Variants in NEB observed in about 807,000 individuals in gnomAD.
NEB encodes nemaline myopathy type 2.
Under a neutral mutation model 952.2 loss-of-function variants are expected in NEB, and 512 were observed. The ratio of observed to expected loss-of-function variants is 0.54; its 90% CI spans 0.50 to 0.58. NEB has a LOEUF of 0.58. Ranked by LOEUF, NEB falls within the 20% of genes least tolerant of loss-of-function variation. NEB has a pLI of 0.00. For missense variants in NEB, 8,428 were observed against 9,231.1 expected, an observed-to-expected ratio of 0.91 and a Z score of 3.56; for synonymous variants, 2,900 against 3,149.8, an observed-to-expected ratio of 0.92 and a Z score of 2.66.
chr2:151,672,689 G>A lies in NEB; in HGVS notation c.3988-9C>T, dbSNP rs753291655. 1 of 1,604,004 alleles carries A rather than the reference G, an allele frequency of 6.2e-7. No homozygotes were observed. The highest frequency in any genetic ancestry group is 8.5e-7 in the Non-Finnish European group (1 of 1,173,528). ...GCTTCCTTGTATTTATACTGTGGAGGCAGAATTGGGTTAGCAAAGTCCTAG... is the reference window on the plus strand; with the variant it reads ...GCTTCCTTGTATTTATACTGTGGAGACAGAATTGGGTTAGCAAAGTCCTAG... On this transcript the variant is annotated splice_polypyrimidine_tract_variant and intron_variant, in intron 36 of 181. Transcript: ENST00000397345.
intron 161 of NEB, among the ~76,000 whole-genome samples, chr2:151,511,238 A>G (rs1037828628): frequency 5.3e-5 from 8 of 152,230 alleles, no homozygotes; most frequent in Non-Finnish European, 1.0e-4. Flanking sequence ...TGGAGCCCAT[A>G]TCATTTTGGT....
chr2:151,506,269 A>G lies in NEB; in HGVS notation c.23557-11T>C, dbSNP rs1026058576. The stretch of plus-strand genomic sequence containing the variant: ...CTCTTTATATAAAACCTGGGCATTC[A>G]GAATCAGGACAGTGTTAACACAGAA... On this transcript the variant is annotated splice_polypyrimidine_tract_variant and intron_variant, in intron 163 of 181. Coordinates refer to ENST00000397345, the MANE Select transcript of NEB (RefSeq NM_001164508.2). 5.7e-6 allele frequency: 9 copies of G among 1,592,670 alleles called. No individual in the cohort carries two copies. Among genetic ancestry groups the G allele is most frequent in the Non-Finnish European group, 7.8e-6 (9 of 1,160,672 alleles).
At chr2:151,721,569 T>C (rs1431083284) in intron 9 of NEB, among the ~76,000 whole-genome samples, 1 of 152,228 alleles carries the variant, frequency 6.6e-6, no homozygotes, top group Non-Finnish European at 1.5e-5. Flanking sequence ...TAGCAAGTAT[T>C]AGACTGTTGG....
At chr2:151,498,506 T>TAA (rs979671197) in intron 169 of NEB, among the ~76,000 whole-genome samples, 154 bp from the exon 170 acceptor site, 2 of 152,148 alleles carry the variant, frequency 1.3e-5, no homozygotes, top group African/African-American at 4.8e-5. Context: ...TGTTTGAGCC[T>TAA]AAAGACATCT....
At chr2:151,614,052 G>A (rs2098115429) in intron 77 of NEB, among the ~76,000 whole-genome samples, 1 of 152,122 alleles carries the variant, frequency 6.6e-6, no homozygotes, top group South Asian at 2.1e-4. Context: ...TTTACTTAAT[G>A]TGTTAATGAA....
In NEB at chr2:151,662,889, G is replaced by A. The variant is rs534152855; in HGVS notation, c.5764-548C>T. 1.5e-3 allele frequency among the ~76,000 whole-genome samples: 223 copies of A among 152,280 alleles called. 1 individual carries two copies. The highest frequency in any genetic ancestry group is 5.2e-3 in the African/African-American group (217 of 41,564). On this transcript the variant is annotated intron_variant, in intron 45 of 181. Transcript: ENST00000397345. ...TTCTCTCTACACCTGTGCCATGGCT[G>A]CTTTCATTCAGGCACTTACTACCTC... is the stretch of plus-strand genomic sequence containing the variant.
At chr2:151,636,553 G>A (rs1277058744) in intron 63 of NEB, among the ~76,000 whole-genome samples, 1 of 152,160 alleles carries the variant, frequency 6.6e-6, no homozygotes, top group Non-Finnish European at 1.5e-5. Flanking sequence ...GCAGAGGCGG[G>A]TGGATCACCT....
chr2:151,694,681 G>A (rs1329893713), intron 18 of NEB, 52 bp from the exon 19 acceptor site: 27 of 1,358,338 alleles, frequency 2.0e-5, no homozygotes, highest in East Asian at 2.5e-5. Flanking sequence ...TGCATGTCAC[G>A]ACCTTTAAAG....
At chr2:151,644,632 A>G (rs1466603379) in intron 55 of NEB, 57 bp from the exon 56 acceptor site, 2 of 1,371,102 alleles carry the variant, frequency 1.5e-6, no homozygotes, top group African/African-American at 1.4e-5. Flanking sequence ...CAAATATAGC[A>G]TAATGATCAA....
At chr2:151,648,969 C>A (rs1054538785) in intron 54 of NEB, among the ~76,000 whole-genome samples, 12 of 152,158 alleles carry the variant, frequency 7.9e-5, no homozygotes, top group Non-Finnish European at 2.9e-5. Context: ...TTTCAGCATT[C>A]CCCAAACTAG....
At chr2:151,684,023 A>T (rs576784287) in intron 28 of NEB, among the ~76,000 whole-genome samples, 1 of 152,310 alleles carries the variant, frequency 6.6e-6, no homozygotes, top group African/African-American at 2.4e-5. Context: ...AGTCAAACTT[A>T]GAAACAAAGC....
intron 171 of NEB, 147 bp from the exon 172 acceptor site, chr2:151,497,180 C>G: frequency 7.9e-7 from 1 of 1,266,276 alleles, no homozygotes; most frequent in Non-Finnish European, 1.1e-6. Flanking sequence ...ATGCCACCGA[C>G]TACTTTACTT....
At position 151,612,261 on chromosome 2, in the gene NEB, G is replaced by C. The variant is rs760724498; in HGVS notation, c.11730C>G (p.Asp3910Glu). The C allele has an allele frequency of 2.4e-5, 38 of 1,613,842 alleles. No homozygotes were observed. Among genetic ancestry groups the C allele is most frequent in the Non-Finnish European group, 3.1e-5 (36 of 1,179,828 alleles). Residue 3910 changes from aspartate (D) to glutamate (E), a missense_variant, in exon 78 of 182, where the codon GAC becomes GAG. By Grantham distance (45) the Asp-to-Glu change is conservative (BLOSUM62 2). This residue lies in a region of NEB where 337 missense variants were observed against 297.5 expected (regional missense o/e 1.13). Coordinates refer to ENST00000397345, the MANE Select transcript of NEB (RefSeq NM_001164508.2). ...LSDRKYRQPA[D>E]QLKFTCITDT... ...CGGTAATGCATGTGAATTTGAGCTG[G>C]TCTGCAGGCTGGCGATACTTCCTGT...
chr2:151,698,796 C>A (rs1376570667), intron 13 of NEB, among the ~76,000 whole-genome samples: 4 of 151,840 alleles, frequency 2.6e-5, no homozygotes, highest in Admixed American at 2.6e-4. Flanking sequence ...TGCCACCATG[C>A]CCGGCTAATT....
intron 181 of NEB, among the ~76,000 whole-genome samples, chr2:151,487,075 G>A (rs190314267): frequency 6.6e-6 from 1 of 152,202 alleles, no homozygotes; most frequent in South Asian, 2.1e-4. Context: ...GCGTGTGTGT[G>A]TACTGACAGA....
At chr2:151,487,673 C>T (rs1179744755) in intron 181 of NEB, among the ~76,000 whole-genome samples, 1 of 152,116 alleles carries the variant, frequency 6.6e-6, no homozygotes, top group East Asian at 1.9e-4. Context: ...TACCGTTTAT[C>T]TTTGGGCAAA....
chr2:151,687,475 T>C lies in NEB; in HGVS notation c.2581A>G (p.Ile861Val), dbSNP rs755695934. 6.2e-7 allele frequency: 1 copy of C among 1,614,070 alleles called. No individual in the cohort carries two copies. The highest frequency in any genetic ancestry group is 8.5e-7 in the Non-Finnish European group (1 of 1,179,894). ...SKGKMIGALS[I>V]NDDPKMLHSL... ...TGCAGCATCTTTGGATCGTCATTAATGCTGAGGGCTCCAATCATTTTCCCT... is the reference window on the plus strand; with the variant it reads ...TGCAGCATCTTTGGATCGTCATTAACGCTGAGGGCTCCAATCATTTTCCCT... Residue 861 changes from isoleucine (I) to valine (V), a missense_variant, in exon 27 of 182, where the codon ATT becomes GTT. Around this residue, in one of 11 missense-constraint regions of NEB, gnomAD observed 2,851 missense variants for 2,791.5 expected, o/e 1.02. Transcript: ENST00000397345.
rs2096805812 is a variant in NEB, at chr2:151,575,774, T to C, written c.16934A>G (p.Lys5645Arg). 2 of 1,608,426 alleles carry C rather than the reference T, an allele frequency of 1.2e-6. No homozygotes were observed. The highest frequency in any genetic ancestry group is 1.7e-4 in the Middle Eastern group (1 of 6,052). Residue 5645 changes from lysine (K) to arginine (R), a missense_variant, in exon 107 of 182, where the codon AAG becomes AGG. Transcript: ENST00000397345. ...CATTATGTGTATTGAAGTTTTATCC[T>C]TGTCCCAAACCTCTCTGTACTTTGG... Reference protein sequence around the residue: ...SIPKYREVWDKDKTSIHIMPD... With the variant: ...SIPKYREVWDRDKTSIHIMPD...
In NEB at chr2:151,666,497, C is replaced by G. The variant is rs141800746; in HGVS notation, c.4720-96G>C. 5.0e-5 allele frequency: 61 copies of G among 1,229,666 alleles called. No individual in the cohort carries two copies. In the African/African-American group the frequency reaches 8.2e-4, roughly 17 times the overall value. 76.2% of individuals were successfully genotyped at this position (1,229,666 alleles called of 1,614,324 possible). Reference sequence around the variant, plus strand: ...AAATTAAGCAAAAGCCAACTTCAGTCTGAATCTAGGTAACATCGAAGTTTT... The same window carrying G: ...AAATTAAGCAAAAGCCAACTTCAGTGTGAATCTAGGTAACATCGAAGTTTT... On this transcript the variant is annotated intron_variant, in intron 40 of 181. Coordinates refer to ENST00000397345, the MANE Select transcript of NEB (RefSeq NM_001164508.2).
Sources: gnomAD v4.1 joint callset for allele counts (sites outside exome capture counted in the v4.1 genomes callset) on GRCh38, gnomAD v4.1.1 for gene constraint, gnomAD v4.1.1 regional missense constraint, MANE v1.5 for transcripts, NCBI Gene and HGNC (gene_info 2026-07-23, HGNC 2026-07-21) for gene names.